Variants in SULF1 observed in about 807,000 individuals in gnomAD.
The protein encoded by SULF1 is sulfatase 1.
Under a neutral mutation model 110.5 loss-of-function variants are expected in SULF1, and 46 were observed. The observed-to-expected ratio is 0.42, with a 90% CI of 0.33 to 0.53. The LOEUF (loss-of-function observed/expected upper bound fraction) is 0.53. SULF1 is among the 20% of genes least tolerant of loss of function. The pLI is 0.12. For synonymous variants in SULF1, 371 were observed against 387.1 expected (o/e 0.96, Z 0.49); for missense variants, 941 against 1,094.2 (o/e 0.86, Z 1.98).
chr8:69,549,601 G>A (rs1167564443), intron 3 of SULF1, among the ~76,000 whole-genome samples: 2 of 152,052 alleles, frequency 1.3e-5, no homozygotes, highest in Non-Finnish European at 2.9e-5. Flanking sequence ...CTCAGAGGAT[G>A]GAATTTTCAT....
At chr8:69,641,963 T>A (rs1811511531) in intron 22 of SULF1, among the ~76,000 whole-genome samples, 1 of 151,986 alleles carries the variant, frequency 6.6e-6, no homozygotes, top group African/African-American at 2.4e-5. Context: ...TTTTCTACTC[T>A]GAGCACAGAC....
At chr8:69,588,506 G>A (rs1806630780) in intron 7 of SULF1, among the ~76,000 whole-genome samples, 1 of 152,126 alleles carries the variant, frequency 6.6e-6, no homozygotes, top group African/African-American at 2.4e-5. Flanking sequence ...GTGTGTGTGA[G>A]CGTGTGTGTA....
rs969156223 is a variant in SULF1 at position 69,502,912 on chromosome 8, C to T, written c.-134+944C>T. ...ATGTTGGCCAGGCTGGTCTTGAACTCCTGACCTCAAGTGATCCACCTACCT... is the reference window on the plus strand; with the variant it reads ...ATGTTGGCCAGGCTGGTCTTGAACTTCTGACCTCAAGTGATCCACCTACCT... On this transcript the variant is annotated intron_variant, in intron 3 of 22. Transcript: ENST00000402687. 6.7e-4 allele frequency among the ~76,000 whole-genome samples: 102 copies of T among 151,968 alleles called. 1 individual carries two copies. The highest frequency in any genetic ancestry group is 2.4e-3 in the African/African-American group (101 of 41,350).
Position 69,623,841 on chromosome 8 carries a change from G to C in SULF1, c.1595-101G>C, listed in dbSNP as rs1563599403. 4 of 1,405,148 alleles carry C rather than the reference G, an allele frequency of 2.8e-6. 1 individual carries two copies. In the South Asian group the frequency reaches 5.6e-5, roughly 20 times the overall value. The allele number at this position is 1,405,148 out of a possible 1,614,324, so 87.0% of individuals were successfully genotyped here. A position where few individuals can be genotyped will look rare whatever the true frequency, so the allele number is the denominator to read the frequency against. ...GCCACTCAGCAATGCAGCATGGACT[G>C]CTTTCTCCACTCCAGGATCCCTTCT... On this transcript the variant is annotated intron_variant, in intron 14 of 22. Transcript: ENST00000402687.
At chr8:69,591,130 A>G (rs1305047988) in intron 8 of SULF1, among the ~76,000 whole-genome samples, 2 of 152,148 alleles carry the variant, frequency 1.3e-5, no homozygotes, top group Non-Finnish European at 2.9e-5. Context: ...GCTTTGAGGC[A>G]AGGTCCTAAG....
At chr8:69,479,769 T>C (rs1380752761) in intron 1 of SULF1, among the ~76,000 whole-genome samples, 2 of 152,148 alleles carry the variant, frequency 1.3e-5, no homozygotes. Flanking sequence ...CTGCCTAAAA[T>C]CACAAAACTC....
chr8:69,645,277 C>T (rs372755140), intron 22 of SULF1, among the ~76,000 whole-genome samples: 4 of 152,134 alleles, frequency 2.6e-5, no homozygotes, highest in East Asian at 1.9e-4. Flanking sequence ...TTTTTCTTAC[C>T]TTTCCAATAG....
intron 3 of SULF1, among the ~76,000 whole-genome samples, chr8:69,503,058 T>C (rs1810926860): frequency 6.6e-6 from 1 of 152,146 alleles, no homozygotes; most frequent in East Asian, 1.9e-4. Context: ...CACCAAAACT[T>C]TCATGAACCT....
intron 1 of SULF1, among the ~76,000 whole-genome samples, chr8:69,493,794 C>T (rs1234342954): frequency 1.3e-5 from 2 of 152,176 alleles, no homozygotes; most frequent in African/African-American, 4.8e-5. Context: ...ACTTTTTAAG[C>T]ACAGGCAAAA....
chr8:69,636,664 T>C (rs1356969346), intron 19 of SULF1, among the ~76,000 whole-genome samples: 6 of 152,200 alleles, frequency 3.9e-5, no homozygotes, highest in Non-Finnish European at 7.3e-5. Context: ...TGGTAGTCGA[T>C]TGGCGAGAGG....
chr8:69,483,840 T>A (rs1355468357), intron 1 of SULF1, among the ~76,000 whole-genome samples: 1 of 152,140 alleles, frequency 6.6e-6, no homozygotes. Context: ...ACAAAATGAC[T>A]GAGAAAGATG....
chr8:69,527,454 A>C (rs1014963056), intron 3 of SULF1, among the ~76,000 whole-genome samples: 1 of 152,118 alleles, frequency 6.6e-6, no homozygotes, highest in Non-Finnish European at 1.5e-5. Flanking sequence ...GTCAGGAAGC[A>C]CAAAGGGCTC....
chr8:69,647,380 A>G (rs1758050124), intron 22 of SULF1, among the ~76,000 whole-genome samples: 2 of 152,208 alleles, frequency 1.3e-5, no homozygotes, highest in Non-Finnish European at 2.9e-5. Flanking sequence ...GCCATTAACC[A>G]CACACAAGGT....
chr8:69,539,290 C>G (rs144470827), intron 3 of SULF1, among the ~76,000 whole-genome samples: 15 of 151,762 alleles, frequency 9.9e-5, no homozygotes, highest in African/African-American at 3.4e-4. Flanking sequence ...TTTAGTCTAC[C>G]GAATAAAAAT....
intron 1 of SULF1, among the ~76,000 whole-genome samples, chr8:69,487,139 AT>A (rs1809746471): frequency 6.6e-6 from 1 of 152,242 alleles, no homozygotes; most frequent in African/African-American, 2.4e-5. Context: ...CTGCAGGCCA[AT>A]TTATTTGGTT....
rs571400954 is a variant in SULF1 at position 69,656,541 on chromosome 8, C to T, written c.2586-1964C>T. Among the ~76,000 whole-genome samples the T allele has an allele frequency of 5.3e-5, 8 of 152,252 alleles. No homozygotes were observed. In the East Asian group the frequency reaches 5.8e-4, roughly 11 times the overall value. On this transcript the variant is annotated intron_variant, in intron 22 of 22. Transcript: ENST00000402687. ...CCTGTGTCCATGTGTTCTCAATGTT[C>T]GGCTCCCACTTGTAAGTGAGAACAT...
intron 8 of SULF1, among the ~76,000 whole-genome samples, chr8:69,594,668 G>A (rs1321391699): frequency 2.0e-5 from 3 of 151,838 alleles, no homozygotes; most frequent in Non-Finnish European, 4.4e-5. Flanking sequence ...CCACAAATAC[G>A]TGAAAGGACG....
At chr8:69,533,128 C>T (rs10957495) in intron 3 of SULF1, among the ~76,000 whole-genome samples, 14,041 of 152,170 alleles carry the variant, frequency 0.092, 1,245 homozygotes, top group East Asian at 0.41. Context: ...CTTACCGATA[C>T]CTATTATCCC....
At chr8:69,517,529 G>A (rs1812009531) in intron 3 of SULF1, among the ~76,000 whole-genome samples, 1 of 152,106 alleles carries the variant, frequency 6.6e-6, no homozygotes, top group Non-Finnish European at 1.5e-5. Context: ...AAAGACTTGA[G>A]GTAGGGAAAC....
Sources: gnomAD v4.1 joint callset for allele counts (sites outside exome capture counted in the v4.1 genomes callset) on GRCh38, gnomAD v4.1.1 for gene constraint, MANE v1.5 for transcripts, NCBI Gene and HGNC (gene_info 2026-07-23, HGNC 2026-07-21) for gene names.